Variants in OXR1 observed in about 807,000 individuals in gnomAD.
The protein encoded by OXR1 is oxidation resistance 1.
Under a neutral mutation model 104.6 loss-of-function variants are expected in OXR1, and 41 were observed. That is an observed-to-expected ratio of 0.39 (90% CI 0.31 to 0.51). The LOEUF is 0.51. OXR1 is among the 20% of genes least tolerant of loss of function. The pLI is 0.77. For synonymous variants in OXR1, 348 were observed against 348.4 expected, an observed-to-expected ratio of 1.00 and a Z score of 0.01; for missense variants, 955 against 1,031.9, an observed-to-expected ratio of 0.93 and a Z score of 1.02.
At chr8:106,295,787 G>A (rs1375555963) in intron 1 of OXR1, among the ~76,000 whole-genome samples, 1 of 152,208 alleles carries the variant, frequency 6.6e-6, no homozygotes, top group African/African-American at 2.4e-5. Flanking sequence ...GCTAGGCACT[G>A]TAGGGGAATA....
At chr8:106,659,365 C>G (rs1485418908) in intron 3 of OXR1, among the ~76,000 whole-genome samples, 2 of 152,098 alleles carry the variant, frequency 1.3e-5, no homozygotes, top group East Asian at 3.8e-4. Flanking sequence ...TTTAGCATAG[C>G]CCTTTAAAAT....
chr8:106,517,775 A>C (rs574217382), intron 2 of OXR1, among the ~76,000 whole-genome samples: 61 of 152,342 alleles, frequency 4.0e-4, no homozygotes, highest in African/African-American at 1.4e-3. Flanking sequence ...TATTAAGATA[A>C]TATAGGTCGT....
intron 2 of OXR1, among the ~76,000 whole-genome samples, chr8:106,448,526 A>T (rs567277187): frequency 1.6e-4 from 25 of 152,336 alleles, no homozygotes; most frequent in Middle Eastern, 3.4e-3. Flanking sequence ...TATATTATTT[A>T]AAATAATCTA....
chr8:106,737,627 T>A, intron 12 of OXR1, 27 bp downstream of exon 12: 1 of 986,540 alleles, frequency 1.0e-6, no homozygotes, highest in Non-Finnish European at 1.4e-6. Flanking sequence ...TTTAAACCCC[T>A]CCAGAGACTA....
intron 2 of OXR1, among the ~76,000 whole-genome samples, chr8:106,396,689 A>G (rs1431098130): frequency 6.6e-6 from 1 of 152,038 alleles, no homozygotes; most frequent in African/African-American, 2.4e-5. Context: ...GGTTGGTGCA[A>G]AAGTAATTGT....
chr8:106,292,554 T>C (rs1046279167), intron 1 of OXR1, among the ~76,000 whole-genome samples: 4 of 152,204 alleles, frequency 2.6e-5, no homozygotes, highest in Admixed American at 6.5e-5. Context: ...CTATCCTCGG[T>C]TTCAGGTATC....
intron 3 of OXR1, among the ~76,000 whole-genome samples, chr8:106,644,828 TGGC>T (rs1454298398): frequency 1.3e-5 from 2 of 152,116 alleles, no homozygotes; most frequent in Non-Finnish European, 2.9e-5. Context: ...GCCGCAAACG[TGGC>T]TTATAATTTA....
At chr8:106,501,877 G>C (rs1052918684) in intron 2 of OXR1, among the ~76,000 whole-genome samples, 1 of 152,160 alleles carries the variant, frequency 6.6e-6, no homozygotes, top group Non-Finnish European at 1.5e-5. Context: ...TAACCCTACA[G>C]ATAGAAAGAT....
intron 2 of OXR1, among the ~76,000 whole-genome samples, chr8:106,451,023 C>T (rs1820284925): frequency 6.6e-6 from 1 of 152,116 alleles, no homozygotes; most frequent in East Asian, 1.9e-4. Context: ...ATCCTTTGCA[C>T]TCCTATAGAA....
intron 1 of OXR1, among the ~76,000 whole-genome samples, chr8:106,321,367 A>T (rs1353795942): frequency 6.6e-6 from 1 of 152,182 alleles, no homozygotes; most frequent in Non-Finnish European, 1.5e-5. Flanking sequence ...CTTTATGGTG[A>T]GGAGGGTCCT....
In OXR1 at chr8:106,546,711, A is replaced by G. The variant is rs368348454; in HGVS notation, c.220+27572A>G. 1.1e-4 allele frequency among the ~76,000 whole-genome samples: 17 copies of G among 152,256 alleles called. 1 individual carries two copies. In the South Asian group the frequency reaches 1.7e-3, roughly 15 times the overall value. ...GCTCTACATAAGGTAAGGTGAACAT[A>G]GAGAAGCTACCTGTGCAGACAGTTA... On this transcript the variant is annotated intron_variant, in intron 3 of 16. Coordinates refer to ENST00000517566, the MANE Select transcript of OXR1 (RefSeq NM_001198533.2).
At chr8:106,583,951 C>A (rs1818437410) in intron 3 of OXR1, among the ~76,000 whole-genome samples, 1 of 151,820 alleles carries the variant, frequency 6.6e-6, no homozygotes, top group Admixed American at 6.6e-5. Context: ...GGTTCAACTC[C>A]TAATATGAGA....
At chr8:106,563,798 C>A (rs1446827342) in intron 3 of OXR1, among the ~76,000 whole-genome samples, 1 of 152,174 alleles carries the variant, frequency 6.6e-6, no homozygotes, top group Non-Finnish European at 1.5e-5. Context: ...TCTCTCAGAC[C>A]ACAGTGCAAT....
At chr8:106,683,343 C>T in intron 5 of OXR1, 37 bp downstream of exon 5, 1 of 966,852 alleles carries the variant, frequency 1.0e-6, no homozygotes, top group Non-Finnish European at 1.7e-6. Context: ...TGTTTAGAAA[C>T]ATTAAACAGA....
At chr8:106,355,124 T>C (rs1364270371) in intron 1 of OXR1, among the ~76,000 whole-genome samples, 1 of 152,132 alleles carries the variant, frequency 6.6e-6, no homozygotes, top group Non-Finnish European at 1.5e-5. Flanking sequence ...ATATCATAGC[T>C]GGGCATTCAG....
intron 1 of OXR1, among the ~76,000 whole-genome samples, chr8:106,306,765 T>A (rs1229987930): frequency 3.9e-5 from 6 of 152,266 alleles, no homozygotes; most frequent in African/African-American, 1.4e-4. Flanking sequence ...TCTGGAGTAA[T>A]GGAGATGTTC....
Position 106,309,814 on chromosome 8 carries a change from C to T in OXR1, c.-139+39447C>T, listed in dbSNP as rs996859220. ...ATATATAAAGGTATATGTATATACA[C>T]ATATATATATTTGTCCACATATTTA... On this transcript the variant is annotated intron_variant, in intron 1 of 16. Transcript: ENST00000517566. Among the ~76,000 whole-genome samples the T allele has an allele frequency of 3.6e-4, 54 of 150,714 alleles. 1 individual carries two copies. Among genetic ancestry groups the T allele is most frequent in the Middle Eastern group, 3.5e-3 (1 of 286 alleles).
At chr8:106,464,671 G>A (rs1563539606) in intron 2 of OXR1, among the ~76,000 whole-genome samples, 1 of 152,052 alleles carries the variant, frequency 6.6e-6, no homozygotes, top group South Asian at 2.1e-4. Flanking sequence ...CAGTCCATCT[G>A]CCTTTTCTGT....
At chr8:106,502,933 T>G (rs2129963142) in intron 2 of OXR1, among the ~76,000 whole-genome samples, 1 of 152,300 alleles carries the variant, frequency 6.6e-6, no homozygotes, top group East Asian at 1.9e-4. Context: ...ATATTAGAAC[T>G]TCTGGCAAGG....
Sources: gnomAD v4.1 joint callset for allele counts (sites outside exome capture counted in the v4.1 genomes callset) on GRCh38, gnomAD v4.1.1 for gene constraint, MANE v1.5 for transcripts, NCBI Gene and HGNC (gene_info 2026-07-23, HGNC 2026-07-21) for gene names.